Variants in MTMR1 observed in about 807,000 individuals in gnomAD.
MTMR1 encodes myotubularin related protein 1.
A neutral mutation model predicts 51.6 loss-of-function variants in MTMR1; 17 were observed. That is an observed-to-expected ratio of 0.33 (90% CI 0.23 to 0.49). MTMR1 has a LOEUF of 0.49. Ranked by LOEUF, MTMR1 falls within the 20% of genes least tolerant of loss-of-function variation. The pLI, the probability that MTMR1 is intolerant of heterozygous loss-of-function variation, is 0.99. For synonymous variants in MTMR1, 201 were observed against 205.6 expected (o/e 0.98, Z 0.19); for missense variants, 386 against 526.9 (o/e 0.73, Z 2.62).
chrX:150,709,525 C>T (rs1557416155), intron 2 of MTMR1, among the ~76,000 whole-genome samples: 2 of 112,155 alleles, frequency 1.8e-5, no homozygotes, highest in African/African-American at 3.2e-5. Flanking sequence ...GCTGTTCTCA[C>T]GTTGCTATAA....
intron 14 of MTMR1, chrX:150,751,071 G>A: frequency 2.6e-6 from 3 of 1,132,501 alleles, no homozygotes; most frequent in Non-Finnish European, 3.5e-6. Flanking sequence ...GCTCTCTCAG[G>A]AGTAGATGAG....
Position 150,741,291 on chromosome X carries a change from G to A in MTMR1, c.1474-3070G>A, listed in dbSNP as rs190098339. On this transcript the variant is annotated intron_variant, in intron 12 of 15. Coordinates refer to ENST00000445323, the MANE Select transcript of MTMR1 (RefSeq NM_001306144.3). ...CCTCTCATCTTCTTTCCCTTGCCCC[G>A]TCTAAGCCTCAGCTGTGCCCAGCTA... is the stretch of plus-strand genomic sequence containing the variant. Among the ~76,000 whole-genome samples the A allele has an allele frequency of 4.2e-3, 475 of 111,931 alleles. 3 individuals are homozygous for A. Among genetic ancestry groups the A allele is most frequent in the Non-Finnish European group, 5.9e-3 (314 of 53,128 alleles).
rs1161450146 is a variant in MTMR1, at chrX:150,762,871, A to G, written c.*142A>G. The G allele has an allele frequency of 1.5e-6, 1 of 685,854 alleles. No individual in the cohort carries two copies. Among genetic ancestry groups the G allele is most frequent in the Non-Finnish European group, 2.0e-6 (1 of 502,737 alleles). 56.5% of individuals were successfully genotyped at this position (685,854 alleles called of 1,213,427 possible). ...TTTGTGTGGCTAGGTGACAGCTCCC[A>G]CTGTTGGCAACCGTTACCCTCCTGT... is the stretch of plus-strand genomic sequence containing the variant. On this transcript the variant is annotated 3_prime_UTR_variant, in exon 16 of 16. Coordinates refer to ENST00000445323, the MANE Select transcript of MTMR1 (RefSeq NM_001306144.3).
At chrX:150,737,513 G>C (rs2042309340) in intron 12 of MTMR1, 65 bp downstream of exon 12, 1 of 969,571 alleles carries the variant, frequency 1.0e-6, no homozygotes, top group African/African-American at 1.9e-5. Flanking sequence ...TAAACGTCAT[G>C]TGTGACACAC....
chrX:150,698,674 G>GCACACACACACACA (rs1264680068), intron 1 of MTMR1, among the ~76,000 whole-genome samples: 24 of 61,210 alleles, frequency 3.9e-4, no homozygotes, highest in African/African-American at 1.5e-3. Flanking sequence ...CTGTCTACAC[G>GCACACACACACACA]CGCGCGCACA....
intron 1 of MTMR1, among the ~76,000 whole-genome samples, chrX:150,694,572 A>T (rs2040604770): frequency 8.9e-6 from 1 of 112,311 alleles, no homozygotes; most frequent in African/African-American, 3.2e-5. Context: ...CATTGTGCCA[A>T]ACTTTTGGGA....
At chrX:150,726,588 T>C (rs1557416776) in intron 4 of MTMR1, among the ~76,000 whole-genome samples, 1 of 112,421 alleles carries the variant, frequency 8.9e-6, no homozygotes, top group Admixed American at 9.4e-5. Context: ...ATGTATATTC[T>C]TGTCATTCCA....
At chrX:150,697,454 TA>T (rs1407934630) in intron 1 of MTMR1, among the ~76,000 whole-genome samples, 3 of 111,807 alleles carry the variant, frequency 2.7e-5, no homozygotes, top group Non-Finnish European at 5.6e-5. Flanking sequence ...ATTTTTTTTT[TA>T]AAGGCCTGAA....
chrX:150,731,121 G>A (rs1267962861), intron 8 of MTMR1, among the ~76,000 whole-genome samples: 3 of 111,920 alleles, frequency 2.7e-5, no homozygotes, highest in East Asian at 5.5e-4. Context: ...TTAGACATTC[G>A]TAAGAGGTAT....
Position 150,750,718 on chromosome X carries a change from T to C in MTMR1, c.1567-12T>C. On this transcript the variant is annotated splice_polypyrimidine_tract_variant and intron_variant, in intron 13 of 15. Transcript: ENST00000445323. ...ACTCTATGACTAAACCTTATTTTTC[T>C]CTTCATTTAAGTTTCCTTCAGCATT... is the stretch of plus-strand genomic sequence containing the variant. The C allele has an allele frequency of 1.8e-6, 2 of 1,117,771 alleles. No homozygotes were observed. Among genetic ancestry groups the C allele is most frequent in the South Asian group, 3.8e-5 (2 of 52,340 alleles). The allele number at this position is 1,117,771 out of a possible 1,213,427, so 92.1% of individuals were successfully genotyped here. A position where few individuals can be genotyped will look rare whatever the true frequency, so the allele number is the denominator to read the frequency against.
intron 14 of MTMR1, among the ~76,000 whole-genome samples, chrX:150,753,270 T>G (rs2042804808): frequency 8.9e-6 from 1 of 112,445 alleles, no homozygotes; most frequent in Admixed American, 9.4e-5. Flanking sequence ...CACATTTTGG[T>G]TTTTAGGAAT....
chrX:150,696,909 C>A (rs1463187893), intron 1 of MTMR1, among the ~76,000 whole-genome samples: 1 of 111,226 alleles, frequency 9.0e-6, no homozygotes, highest in Admixed American at 9.5e-5. Context: ...AGGAAGGGGT[C>A]AACCTTCTTC....
At chrX:150,762,518 G>C in intron 15 of MTMR1, 47 bp from the exon 16 acceptor site, 1 of 1,203,680 alleles carries the variant, frequency 8.3e-7, no homozygotes, top group African/African-American at 1.7e-5. Context: ...GAAACGCTGT[G>C]GTAGGAGGAT....
chrX:150,707,948 G>A (rs1314466293), intron 2 of MTMR1, among the ~76,000 whole-genome samples: 4 of 111,975 alleles, frequency 3.6e-5, no homozygotes, highest in African/African-American at 9.7e-5. Flanking sequence ...AAGGAATTAC[G>A]TGAGTAAAAA....
chrX:150,736,955 A>T (rs2042290973), intron 11 of MTMR1, among the ~76,000 whole-genome samples, 175 bp downstream of exon 11: 1 of 112,187 alleles, frequency 8.9e-6, no homozygotes, highest in Non-Finnish European at 1.9e-5. Context: ...ACATAGTGAA[A>T]AGGGAAAAAT....
intron 15 of MTMR1, among the ~76,000 whole-genome samples, chrX:150,760,753 A>G (rs2043089064): frequency 9.0e-6 from 1 of 110,548 alleles, no homozygotes; most frequent in African/African-American, 3.3e-5. Flanking sequence ...GTGAAACCTC[A>G]TCTCTATTAA....
At chrX:150,750,694 C>A in intron 13 of MTMR1, 36 bp from the exon 14 acceptor site, 1 of 939,551 alleles carries the variant, frequency 1.1e-6, no homozygotes, top group Non-Finnish European at 1.5e-6. Flanking sequence ...AGAAATTGGA[C>A]TCTATGACTA....
chrX:150,745,098 G>T (rs1267595326), intron 13 of MTMR1, among the ~76,000 whole-genome samples: 1 of 112,513 alleles, frequency 8.9e-6, no homozygotes, highest in Non-Finnish European at 1.9e-5. Context: ...CATAGTTCCT[G>T]CACTGTTTTG....
At chrX:150,718,584 CTTTTTTTTTTT>C (rs1557416476) in intron 3 of MTMR1, 30 bp from the exon 4 acceptor site, 3 of 136,851 alleles carry the variant, frequency 2.2e-5, no homozygotes, top group Non-Finnish European at 3.4e-5. Flanking sequence ...GTTTGGTGTC[CTTTTTTTTTTT>C]TTTTTTTTTT....
Sources: gnomAD v4.1 joint callset for allele counts (sites outside exome capture counted in the v4.1 genomes callset) on GRCh38, gnomAD v4.1.1 for gene constraint, MANE v1.5 for transcripts, NCBI Gene and HGNC (gene_info 2026-07-23, HGNC 2026-07-21) for gene names.